R3HDM2: variants seen among roughly 807,000 people sequenced by gnomAD.
The protein encoded by R3HDM2 is R3H domain containing 2, also known as R3H domain-containing protein 2.
Under a neutral mutation model 124.5 loss-of-function variants are expected in R3HDM2, and 38 were observed. The observed-to-expected ratio is 0.31, with a 90% CI of 0.24 to 0.40. The LOEUF is 0.40. Ranked by LOEUF, R3HDM2 falls within the 10% of genes least tolerant of loss-of-function variation. The probability of loss-of-function intolerance (pLI) is 1.00; values close to 1 mark genes in which losing one functional copy is unlikely to be tolerated. For synonymous variants in R3HDM2, 391 were observed against 448.0 expected (o/e 0.87, Z 1.61); for missense variants, 869 against 1,236.9 (o/e 0.70, Z 4.46).
chr12:57,290,239 G>A (rs947810216), intron 11 of R3HDM2, among the ~76,000 whole-genome samples: 1 of 152,156 alleles, frequency 6.6e-6, no homozygotes, highest in African/African-American at 2.4e-5. Flanking sequence ...ATCATAGTGG[G>A]GCAGTCATTT....
chr12:57,302,819 A>G (rs1290409130), intron 4 of R3HDM2, among the ~76,000 whole-genome samples: 1 of 152,012 alleles, frequency 6.6e-6, no homozygotes, highest in East Asian at 1.9e-4. Context: ...AGGGGGAATA[A>G]AAAGACTCAT....
intron 14 of R3HDM2, among the ~76,000 whole-genome samples, chr12:57,275,501 G>GAAAAAAAAAAAAAAAAAAAAAA (rs56371479): frequency 7.8e-6 from 1 of 127,526 alleles, no homozygotes; most frequent in Non-Finnish European, 1.7e-5. Context: ...CGTTTGCATG[G>GAAAAAAAAAAAAAAAAAAAAAA]AAAAAAAAAA....
chr12:57,261,662 C>T (rs1046002152), intron 19 of R3HDM2, among the ~76,000 whole-genome samples: 19 of 150,652 alleles, frequency 1.3e-4, no homozygotes, highest in African/African-American at 4.6e-4. Context: ...AGCACTACTC[C>T]ACTGATGAGC....
chr12:57,300,843 C>T (rs1466667409), intron 4 of R3HDM2, among the ~76,000 whole-genome samples: 1 of 152,138 alleles, frequency 6.6e-6, no homozygotes, highest in Non-Finnish European at 1.5e-5. Flanking sequence ...GTGGCTCACA[C>T]CTGTAAACCT....
chr12:57,421,273 T>A (rs1374323783), intron 1 of R3HDM2, among the ~76,000 whole-genome samples: 2 of 144,844 alleles, frequency 1.4e-5, no homozygotes, highest in Admixed American at 7.3e-5. Flanking sequence ...TGCCTCAGCC[T>A]CCCGAGTAGC....
chr12:57,379,198 G>GT (rs1371595779), intron 2 of R3HDM2, among the ~76,000 whole-genome samples: 1 of 152,174 alleles, frequency 6.6e-6, no homozygotes, highest in Non-Finnish European at 1.5e-5. Context: ...CCACTGAACT[G>GT]TTAAGAGGGT....
intron 2 of R3HDM2, among the ~76,000 whole-genome samples, chr12:57,335,285 G>A (rs1197137042): frequency 6.6e-6 from 1 of 151,656 alleles, no homozygotes; most frequent in Non-Finnish European, 1.5e-5. Context: ...TCAACTCACT[G>A]CAACCTCTGC....
At chr12:57,356,958 TAGAC>T (rs2061364999) in intron 2 of R3HDM2, among the ~76,000 whole-genome samples, 1 of 151,026 alleles carries the variant, frequency 6.6e-6, no homozygotes, top group Non-Finnish European at 1.5e-5. Flanking sequence ...ACACAAAAAT[TAGAC>T]AGGCGTGGTG....
chr12:57,358,179 G>A (rs746926277), intron 2 of R3HDM2, among the ~76,000 whole-genome samples: 5 of 151,192 alleles, frequency 3.3e-5, no homozygotes, highest in African/African-American at 1.2e-4. Flanking sequence ...TAGATATGGG[G>A]TTTTGCCATG....
intron 12 of R3HDM2, among the ~76,000 whole-genome samples, chr12:57,284,713 GCTAAAGT>G (rs2138084498): frequency 6.6e-6 from 1 of 152,314 alleles, no homozygotes; most frequent in South Asian, 2.1e-4. Flanking sequence ...ATCTCTAAGG[GCTAAAGT>G]CTTCAGCAAA....
At chr12:57,310,038 T>C (rs890546409) in intron 3 of R3HDM2, among the ~76,000 whole-genome samples, 5 of 152,102 alleles carry the variant, frequency 3.3e-5, no homozygotes, top group African/African-American at 1.2e-4. Context: ...ATAGACCCTG[T>C]CTCTACAAAA....
chr12:57,297,523 C>T (rs2050145196), intron 7 of R3HDM2, 136 bp from the exon 8 acceptor site: 4 of 545,334 alleles, frequency 7.3e-6, no homozygotes, highest in Non-Finnish European at 1.3e-5. Flanking sequence ...CAGTAATGAA[C>T]CATAATGCTG....
chr12:57,291,195 C>T (rs12310220), intron 11 of R3HDM2, among the ~76,000 whole-genome samples: 65,400 of 149,792 alleles, frequency 0.44, 15,064 homozygotes, highest in South Asian at 0.52. Flanking sequence ...GAGACAATGG[C>T]GCAAGTACAT....
intron 10 of R3HDM2, among the ~76,000 whole-genome samples, chr12:57,294,703 C>T (rs1204957190): frequency 2.0e-5 from 3 of 152,122 alleles, no homozygotes; most frequent in Admixed American, 6.6e-5. Context: ...TTAGCTAACC[C>T]GCAAATAATC....
At chr12:57,292,759 T>C in intron 10 of R3HDM2, 92 bp from the exon 11 acceptor site, 1 of 815,880 alleles carries the variant, frequency 1.2e-6, no homozygotes, top group East Asian at 2.7e-5. Flanking sequence ...GGAAAGTTTA[T>C]AGTTGCCATC....
chr12:57,304,926 T>C (rs1230627473), intron 3 of R3HDM2, among the ~76,000 whole-genome samples: 2 of 152,218 alleles, frequency 1.3e-5, no homozygotes, highest in Admixed American at 1.3e-4. Context: ...GGCTCATGCC[T>C]GTAATCCCAG....
At chr12:57,368,218 A>G (rs2062884574) in intron 2 of R3HDM2, among the ~76,000 whole-genome samples, 1 of 152,058 alleles carries the variant, frequency 6.6e-6, no homozygotes, top group South Asian at 2.1e-4. Flanking sequence ...AAAAAATTCA[A>G]TGTGTATATA....
chr12:57,401,329 C>A lies in R3HDM2; in HGVS notation c.-105-5511G>T, dbSNP rs1187974219. Among the ~76,000 whole-genome samples the A allele has an allele frequency of 5.3e-5, 8 of 151,894 alleles. 1 individual carries two copies. Among genetic ancestry groups the A allele is most frequent in the Admixed American group, 5.2e-4 (8 of 15,250 alleles). On this transcript the variant is annotated intron_variant, in intron 1 of 23. Coordinates refer to ENST00000402412, the MANE Select transcript of R3HDM2 (RefSeq NM_001394031.1). ...GCCGTTCAGTTTCCACTCAAAACCT[C>A]TTGGAACCTAACCATCATGCAAAGA...
chr12:57,353,371 T>C (rs2060885240), intron 2 of R3HDM2, among the ~76,000 whole-genome samples: 1 of 152,108 alleles, frequency 6.6e-6, no homozygotes, highest in Admixed American at 6.6e-5. Flanking sequence ...CATCTTCTCC[T>C]AGGAATTAGG....
Sources: allele counts gnomAD v4.1 joint callset (sites outside exome capture counted in the v4.1 genomes callset), GRCh38; gene constraint gnomAD v4.1.1; transcripts MANE v1.5; gene names NCBI Gene and HGNC (gene_info 2026-07-23, HGNC 2026-07-21).